Variants in KIF20B observed in about 807,000 individuals in gnomAD.
The protein encoded by KIF20B is kinesin family member 20B.
Under a neutral mutation model 232.5 loss-of-function variants are expected in KIF20B, and 188 were observed. The ratio of observed to expected loss-of-function variants is 0.81; its 90% CI spans 0.72 to 0.91. KIF20B has a LOEUF of 0.91. Among genes scored for constraint, KIF20B ranks in the 40% least tolerant of loss-of-function variants. KIF20B has a pLI of 0.00. For synonymous variants in KIF20B, 712 were observed against 683.0 expected (o/e 1.04, Z -0.66); for missense variants, 2,154 against 2,055.9 (o/e 1.05, Z -0.92).
At chr10:89,753,777 C>T (rs1176654125) in intron 25 of KIF20B, among the ~76,000 whole-genome samples, 7 of 151,980 alleles carry the variant, frequency 4.6e-5, no homozygotes, top group African/African-American at 1.7e-4. Flanking sequence ...CACGCCAGCT[C>T]GCCCAGCTAA....
At chr10:89,742,001 G>A (rs1468470956) in intron 21 of KIF20B, among the ~76,000 whole-genome samples, 1 of 152,046 alleles carries the variant, frequency 6.6e-6, no homozygotes, top group Non-Finnish European at 1.5e-5. Context: ...CCAAAATGTT[G>A]TTGTAAAGGG....
At position 89,729,917 on chromosome 10, in the gene KIF20B, T is replaced by C. The variant is rs183336712; in HGVS notation, c.2391+670T>C. Among the ~76,000 whole-genome samples, 707 of 152,340 alleles carry C rather than the reference T, an allele frequency of 4.6e-3. 5 individuals are homozygous for C. Among genetic ancestry groups the C allele is most frequent in the South Asian group, 0.022 (108 of 4,824 alleles). ...GGTAAAATATATGGTAATAATGTAG[T>C]AAGCTGAGTAAACTTAGAGCCAAAC... On this transcript the variant is annotated intron_variant, in intron 18 of 32. Transcript: ENST00000371728.
Position 89,762,693 on chromosome 10 carries a change from C to T in KIF20B, c.4847C>T (p.Thr1616Ile). 2 of 1,613,644 alleles carry T rather than the reference C, an allele frequency of 1.2e-6. No homozygotes were observed. Among genetic ancestry groups the T allele is most frequent in the South Asian group, 1.1e-5 (1 of 91,076 alleles). The change falls in exon 29 of 33, where the codon ACT becomes ATT. Residue 1616 changes from threonine (T) to isoleucine (I), a missense_variant. By Grantham distance (89) the Thr-to-Ile change is moderately conservative. Transcript: ENST00000371728. ...CEVSTENDQS[T>I]RFPKPELEIQ... ...GTGTCAACAGAAAATGATCAAAGCA[C>T]TCGATTTCCAAAACCTGAGTTAGAG... is the stretch of plus-strand genomic sequence containing the variant.
rs761585032 is a variant in KIF20B, at chr10:89,705,329, G to C, written c.35G>C (p.Arg12Pro). The C allele has an allele frequency of 6.2e-7, 1 of 1,613,798 alleles. No homozygotes were observed. Among genetic ancestry groups the C allele is most frequent in the African/African-American group, 1.3e-5 (1 of 74,904 alleles). The change falls in exon 2 of 33, where the codon CGA becomes CCA. Residue 12 changes from arginine to proline, a missense_variant. Arg to Pro is a moderately radical substitution (Grantham distance 103). Coordinates refer to ENST00000371728, the MANE Select transcript of KIF20B (RefSeq NM_001284259.2). Reference protein sequence around the residue: ...ESNFNQEGVPRPSYVFSADPI... With the variant: ...ESNFNQEGVPPPSYVFSADPI... ...AATTTTAATCAAGAGGGAGTACCTC[G>C]ACCATCTTATGTTTTTAGTGCTGAC...
intron 13 of KIF20B, among the ~76,000 whole-genome samples, chr10:89,720,953 C>T (rs1362406498): frequency 2.0e-5 from 3 of 152,062 alleles, no homozygotes; most frequent in East Asian, 1.9e-4. Context: ...TGCGATTGCC[C>T]GCCTCGGCCT....
At chr10:89,722,906 ATTC>A (rs1387935450) in intron 13 of KIF20B, among the ~76,000 whole-genome samples, 4 of 152,300 alleles carry the variant, frequency 2.6e-5, no homozygotes, top group Non-Finnish European at 4.4e-5. Context: ...GTAACCTGGT[ATTC>A]TTTATATAAA....
In KIF20B at chr10:89,774,147, ACT is replaced by A. The variant is rs1398559914; in HGVS notation, c.*102_*103del. The A allele has an allele frequency of 8.2e-6, 5 of 610,068 alleles. No individual in the cohort carries two copies. The highest frequency in any genetic ancestry group is 3.1e-5 in the East Asian group (1 of 32,072). 37.8% of individuals were successfully genotyped at this position (610,068 alleles called of 1,614,324 possible). The stretch of plus-strand genomic sequence containing the variant: ...AAATGTATATATTATGCATTAAATC[ACT>A]CTGCATATAGATTGCTGTTTTATAC... On this transcript the variant is annotated 3_prime_UTR_variant, in exon 33 of 33. Coordinates refer to ENST00000371728, the MANE Select transcript of KIF20B (RefSeq NM_001284259.2).
chr10:89,728,005 C>G (rs1489095443), intron 17 of KIF20B, 109 bp downstream of exon 17: 6 of 940,740 alleles, frequency 6.4e-6, no homozygotes, highest in Non-Finnish European at 8.9e-6. Context: ...GTAATATAGT[C>G]TCTTGGTATG....
At chr10:89,764,839 T>C (rs1842321539) in intron 29 of KIF20B, among the ~76,000 whole-genome samples, 1 of 152,180 alleles carries the variant, frequency 6.6e-6, no homozygotes, top group Admixed American at 6.5e-5. Context: ...TCTCCCATTT[T>C]GTAGGTCACC....
intron 29 of KIF20B, among the ~76,000 whole-genome samples, chr10:89,765,871 G>A (rs536892809): frequency 2.7e-4 from 41 of 152,218 alleles, no homozygotes; most frequent in Admixed American, 2.4e-3. Flanking sequence ...CGAGAGATCC[G>A]CTGTTAGTCT....
intron 5 of KIF20B, 43 bp from the exon 6 acceptor site, chr10:89,710,918 C>A (rs1203278798): frequency 2.0e-6 from 3 of 1,494,450 alleles, no homozygotes; most frequent in African/African-American, 2.8e-5. Flanking sequence ...TTTCCTCTTT[C>A]CTAGTAGACT....
At position 89,738,543 on chromosome 10, in the gene KIF20B, T is replaced by C; in HGVS notation, c.3702T>C (p.Asn1234=). The C allele has an allele frequency of 1.9e-6, 3 of 1,592,808 alleles. No individual in the cohort carries two copies. The highest frequency in any genetic ancestry group is 2.6e-6 in the Non-Finnish European group (3 of 1,172,472). ...AAGAAGAAATCACACAGTTAACAAA[T>C]AATTTGCAAGATATGAAACATTTAC... ...KLKEEITQLT[N]NLQDMKHLLQ... Residue 1234 remains asparagine (N), a synonymous_variant, in exon 20 of 33, where the codon AAT becomes AAC. Transcript: ENST00000371728.
rs1843149339 is a variant in KIF20B at position 89,725,024 on chromosome 10, ACT to A, written c.1870_1871del (p.Leu624AlafsTer12). The A allele has an allele frequency of 1.9e-5, 31 of 1,612,634 alleles. No homozygotes were observed. Among genetic ancestry groups the A allele is most frequent in the African/African-American group, 2.7e-5 (2 of 74,816 alleles). On this transcript the variant is annotated frameshift_variant, in exon 15 of 33. Coordinates refer to ENST00000371728, the MANE Select transcript of KIF20B (RefSeq NM_001284259.2). LOFTEE classifies it high-confidence loss of function. ...GGATTAATTTGTATTTTGAAGGGAGACTCTGCTTCAAGAACGAGAGATATTAG... is the reference window on the plus strand; with the variant it reads ...GGATTAATTTGTATTTTGAAGGGAGACTGCTTCAAGAACGAGAGATATTAG... Reference protein sequence around the residue: ...WAQREADFKETLLQEREILEE... With the variant: ...WAQREADFKEXLLQEREILEE...
chr10:89,749,498 G>A (rs763976680), intron 23 of KIF20B, among the ~76,000 whole-genome samples: 4 of 152,020 alleles, frequency 2.6e-5, no homozygotes, highest in South Asian at 2.1e-4. Context: ...TTATAGTAAC[G>A]TAAAGTGACA....
rs1589882785 is a variant in KIF20B at position 89,762,642 on chromosome 10, G to A, written c.4796G>A (p.Gly1599Glu). Reference sequence around the variant, plus strand: ...TCCTTTTACATTCTGTTGTAGGATGGATCTGTAGTCCTTGACTCTTGTGAA... The same window carrying A: ...TCCTTTTACATTCTGTTGTAGGATGAATCTGTAGTCCTTGACTCTTGTGAA... ...FEISRNKIED[G>E]SVVLDSCEVS... The change falls in exon 29 of 33, where the codon GGA becomes GAA. Residue 1599 changes from glycine to glutamate, a missense_variant. Gly to Glu is a moderately conservative substitution (Grantham distance 98). Coordinates refer to ENST00000371728, the MANE Select transcript of KIF20B (RefSeq NM_001284259.2). 10 of 1,610,396 alleles carry A rather than the reference G, an allele frequency of 6.2e-6. No homozygotes were observed. Among genetic ancestry groups the A allele is most frequent in the African/African-American group, 2.7e-5 (2 of 74,776 alleles).
chr10:89,771,465 A>G (rs1842459044), intron 31 of KIF20B, among the ~76,000 whole-genome samples: 1 of 152,032 alleles, frequency 6.6e-6, no homozygotes, highest in African/African-American at 2.4e-5. Context: ...TTACCTGACA[A>G]GCTTCCCTTC....
Position 89,732,963 on chromosome 10 carries a change from G to A in KIF20B, c.2452G>A (p.Glu818Lys). The A allele has an allele frequency of 6.2e-7, 1 of 1,611,622 alleles. No individual in the cohort carries two copies. Among genetic ancestry groups the A allele is most frequent in the South Asian group, 1.1e-5 (1 of 90,838 alleles). Reference protein sequence around the residue: ...NNKLICNETVEVPKDSKSKIC... With the variant: ...NNKLICNETVKVPKDSKSKIC... ...TAAATTGATTTGTAATGAAACAGTT[G>A]AAGTACCTAAGGACAGCAAATCTAA... Residue 818 changes from glutamate to lysine, a missense_variant, in exon 19 of 33, where the codon GAA becomes AAA. Physicochemically the swap from Glu to Lys is moderately conservative, Grantham distance 56. Coordinates refer to ENST00000371728, the MANE Select transcript of KIF20B (RefSeq NM_001284259.2).
In KIF20B at chr10:89,725,163, G is replaced by A; in HGVS notation, c.2001+5G>A. On this transcript the variant is annotated splice_donor_5th_base_variant and intron_variant, in intron 15 of 32. Coordinates refer to ENST00000371728, the MANE Select transcript of KIF20B (RefSeq NM_001284259.2). ...GCCACAAAAGTTGAAACTGAAGTATGTTAATTGAAGTATTTAAAAATATCC... is the reference window on the plus strand; with the variant it reads ...GCCACAAAAGTTGAAACTGAAGTATATTAATTGAAGTATTTAAAAATATCC... 1 of 1,613,200 alleles carries A rather than the reference G, an allele frequency of 6.2e-7. No individual in the cohort carries two copies. Among genetic ancestry groups the A allele is most frequent in the Non-Finnish European group, 8.5e-7 (1 of 1,179,500 alleles).
In KIF20B at chr10:89,732,813, T is replaced by C; in HGVS notation, c.2392-90T>C. ...CTCAACAAATTTGAAAATAAAATTT[T>C]TATGGTACACCATTGAAAGTAATTT... On this transcript the variant is annotated intron_variant, in intron 18 of 32. Coordinates refer to ENST00000371728, the MANE Select transcript of KIF20B (RefSeq NM_001284259.2). The C allele has an allele frequency of 5.2e-6, 6 of 1,153,646 alleles. No homozygotes were observed. In the South Asian group the frequency reaches 1.3e-4, roughly 26 times the overall value. The allele number at this position is 1,153,646 out of a possible 1,614,324, so 71.5% of individuals were successfully genotyped here.
Sources: allele counts gnomAD v4.1 joint callset (sites outside exome capture counted in the v4.1 genomes callset), GRCh38; gene constraint gnomAD v4.1.1; transcripts MANE v1.5; gene names NCBI Gene and HGNC (gene_info 2026-07-23, HGNC 2026-07-21).